CRB1: variants seen among roughly 807,000 people sequenced by gnomAD.
CRB1 encodes protein crumbs homolog 1.
Under a neutral mutation model 120.0 loss-of-function variants are expected in CRB1, and 83 were observed. The ratio of observed to expected loss-of-function variants is 0.69; its 90% CI spans 0.58 to 0.83. The LOEUF is 0.83. CRB1 is among the 40% of genes least tolerant of loss of function. The probability of loss-of-function intolerance (pLI) is 0.00; values close to 1 mark genes in which losing one functional copy is unlikely to be tolerated. For missense variants in CRB1, 1,699 were observed against 1,687.6 expected (o/e 1.01, Z -0.12); for synonymous variants, 625 against 612.5 (o/e 1.02, Z -0.30).
intron 10 of CRB1, chr1:197,441,271 T>C (rs1665419978): frequency 6.6e-6 from 1 of 152,258 alleles, no homozygotes; most frequent in African/African-American, 2.4e-5. Context: ...CCCAAGGTCT[T>C]AGCAGAGTGT....
Position 197,290,265 on chromosome 1 carries a change from C to CGTGTGTGTGTGT in CRB1, c.70+21812_70+21823dup, listed in dbSNP as rs10540136. On this transcript the variant is annotated intron_variant, in intron 1 of 11. Coordinates refer to ENST00000367400, the MANE Select transcript of CRB1 (RefSeq NM_201253.3). ...AAAATCAGTTTTTTATGTTCCCTTT[C>CGTGTGTGTGTGT]GTGTGTGTGTGTGTGTGTGTGTGTG... is the stretch of plus-strand genomic sequence containing the variant. Among the ~76,000 whole-genome samples, 1,152 of 136,974 alleles carry CGTGTGTGTGTGT rather than the reference C, an allele frequency of 8.4e-3. 25 individuals carry two copies. The highest frequency in any genetic ancestry group is 0.028 in the African/African-American group (1,014 of 36,270). 89.9% of individuals were successfully genotyped at this position (136,974 alleles called of 152,430 possible).
intron 11 of CRB1, among the ~76,000 whole-genome samples, chr1:197,454,993 T>A (rs1031226491): frequency 6.6e-6 from 1 of 152,164 alleles, no homozygotes; most frequent in Non-Finnish European, 1.5e-5. Flanking sequence ...TCGTGAATCA[T>A]AAAGATATTT....
intron 1 of CRB1, among the ~76,000 whole-genome samples, chr1:197,316,020 A>C (rs1657816424): frequency 6.6e-6 from 1 of 152,182 alleles, no homozygotes; most frequent in African/African-American, 2.4e-5. Context: ...TTTTCTACTC[A>C]ATGCATCATT....
At chr1:197,294,492 G>T (rs1024628566) in intron 1 of CRB1, among the ~76,000 whole-genome samples, 1 of 152,202 alleles carries the variant, frequency 6.6e-6, no homozygotes, top group African/African-American at 2.4e-5. Flanking sequence ...GTGGAAGACA[G>T]TGTGGAAATT....
At chr1:197,260,452 A>C in the CRB1 span, among the ~76,000 whole-genome samples, 1 of 151,874 alleles carries the variant, frequency 6.6e-6, no homozygotes, top group Non-Finnish European at 1.5e-5. Flanking sequence ...ATGTATTTTA[A>C]TTTTTTAAAA....
chr1:197,230,002 T>C, the CRB1 span, among the ~76,000 whole-genome samples: 2 of 152,214 alleles, frequency 1.3e-5, no homozygotes, highest in Non-Finnish European at 2.9e-5. Context: ...CTATCTTCTA[T>C]AGCATTTATA....
intron 1 of CRB1, among the ~76,000 whole-genome samples, chr1:197,270,572 C>G (rs1654853441): frequency 6.6e-6 from 1 of 152,158 alleles, no homozygotes; most frequent in South Asian, 2.1e-4. Context: ...ACATATCTCT[C>G]TCTTCAATGA....
At chr1:197,477,183 G>T (rs1306265827) in intron 11 of CRB1, among the ~76,000 whole-genome samples, 1 of 152,164 alleles carries the variant, frequency 6.6e-6, no homozygotes, top group Non-Finnish European at 1.5e-5. Flanking sequence ...TCTGTGTCAA[G>T]AATTTTTCCC....
chr1:197,427,403 C>T (rs1180340029), intron 6 of CRB1, 51 bp from the exon 7 acceptor site: 2 of 1,555,408 alleles, frequency 1.3e-6, no homozygotes, highest in Admixed American at 3.3e-5. Context: ...GTCTTTTGAG[C>T]CTTAAGATGT....
chr1:197,357,122 C>T (rs1660528789), intron 5 of CRB1, 109 bp downstream of exon 5: 1 of 1,138,400 alleles, frequency 8.8e-7, no homozygotes, highest in South Asian at 1.3e-5. Context: ...GTAAACTCTG[C>T]TGCTGTGGTG....
At chr1:197,337,918 A>G (rs1659247350) in intron 2 of CRB1, among the ~76,000 whole-genome samples, 1 of 152,096 alleles carries the variant, frequency 6.6e-6, no homozygotes. Flanking sequence ...TATATTTAGG[A>G]ATAGTAATTA....
intron 4 of CRB1, among the ~76,000 whole-genome samples, chr1:197,347,725 T>C (rs1188020414): frequency 6.6e-6 from 1 of 152,124 alleles, no homozygotes; most frequent in Non-Finnish European, 1.5e-5. Context: ...GAAAAATCAA[T>C]GGAAAGATGA....
intron 5 of CRB1, among the ~76,000 whole-genome samples, chr1:197,387,998 C>A (rs148734244): frequency 2.2e-3 from 331 of 151,754 alleles, no homozygotes; most frequent in African/African-American, 7.2e-3. Flanking sequence ...CTCTCTCTCT[C>A]TCTATATATA....
intron 11 of CRB1, among the ~76,000 whole-genome samples, chr1:197,446,189 C>CA (rs60054949): frequency 0.046 from 6,629 of 142,970 alleles, 411 homozygotes; most frequent in African/African-American, 0.15. Context: ...GACTTTGTCT[C>CA]AAAAAAAAAA....
chr1:197,250,805 CTCAG>C, the CRB1 span, among the ~76,000 whole-genome samples: 3 of 151,984 alleles, frequency 2.0e-5, no homozygotes, highest in Non-Finnish European at 4.4e-5. Context: ...GGAGCTGCAC[CTCAG>C]TCAGAAGAAG....
intron 11 of CRB1, among the ~76,000 whole-genome samples, chr1:197,462,070 T>C (rs1666556377): frequency 6.6e-6 from 1 of 152,162 alleles, no homozygotes; most frequent in Admixed American, 6.6e-5. Context: ...CAAAAGTATG[T>C]TCTTATAAAT....
chr1:197,411,908 T>A (rs1201183220), intron 5 of CRB1, among the ~76,000 whole-genome samples: 1 of 152,176 alleles, frequency 6.6e-6, no homozygotes, highest in African/African-American at 2.4e-5. Flanking sequence ...TTTTTCCTGA[T>A]CCTCTCCCTC....
chr1:197,345,667 C>G (rs1056770194), intron 3 of CRB1, among the ~76,000 whole-genome samples: 10 of 151,780 alleles, frequency 6.6e-5, no homozygotes, highest in African/African-American at 2.4e-4. Context: ...ACCACCATGC[C>G]TGGCTAATTT....
At chr1:197,351,364 CAAAAA>C (rs35672792) in intron 4 of CRB1, among the ~76,000 whole-genome samples, 1 of 86,046 alleles carries the variant, frequency 1.2e-5, no homozygotes, top group Non-Finnish European at 2.1e-5. Context: ...TGAGACTTGG[CAAAAA>C]AAAAAAAAAA....
Sources: allele counts gnomAD v4.1 joint callset (sites outside exome capture counted in the v4.1 genomes callset), GRCh38; gene constraint gnomAD v4.1.1; transcripts MANE v1.5; gene names NCBI Gene and HGNC (gene_info 2026-07-23, HGNC 2026-07-21).